Variants in ARHGAP28 observed in about 807,000 individuals in gnomAD.
ARHGAP28 encodes rho GTPase-activating protein 28.
A neutral mutation model predicts 90.7 loss-of-function variants in ARHGAP28; 56 were observed. That is an observed-to-expected ratio of 0.62 (90% CI 0.50 to 0.77). ARHGAP28 has a LOEUF of 0.77. Ranked by LOEUF, ARHGAP28 falls within the 30% of genes least tolerant of loss-of-function variation. ARHGAP28 has a pLI of 0.00. For synonymous variants in ARHGAP28, 308 were observed against 323.3 expected (o/e 0.95, Z 0.51); for missense variants, 869 against 900.9 (o/e 0.96, Z 0.45).
intron 1 of ARHGAP28, among the ~76,000 whole-genome samples, chr18:6,778,144 T>C (rs1254786031): frequency 2.0e-5 from 3 of 152,210 alleles, no homozygotes; most frequent in Non-Finnish European, 4.4e-5. Flanking sequence ...TCTGGAGATG[T>C]GTATAACTCA....
At chr18:6,769,982 G>A (rs1200970602) in intron 1 of ARHGAP28, among the ~76,000 whole-genome samples, 1 of 152,178 alleles carries the variant, frequency 6.6e-6, no homozygotes, top group Non-Finnish European at 1.5e-5. Flanking sequence ...TTCCTTTCAA[G>A]GTAACTTCGT....
intron 2 of ARHGAP28, among the ~76,000 whole-genome samples, chr18:6,834,160 A>AT (rs968622132): frequency 4.5e-4 from 39 of 86,434 alleles, no homozygotes; most frequent in Admixed American, 4.2e-3. Flanking sequence ...TGTTAGAGTG[A>AT]TTAAAAAAAA....
At chr18:6,734,676 A>G (rs1204676263) in intron 1 of ARHGAP28, among the ~76,000 whole-genome samples, 1 of 152,202 alleles carries the variant, frequency 6.6e-6, no homozygotes, top group East Asian at 1.9e-4. Flanking sequence ...GAAATTAATT[A>G]ATTAAGAAAA....
chr18:6,841,167 C>CCTCTCTCTCTCTCCTCT (rs1488421214), intron 3 of ARHGAP28, among the ~76,000 whole-genome samples: 3 of 79,994 alleles, frequency 3.8e-5, no homozygotes, highest in Non-Finnish European at 5.2e-5. Context: ...TTCTCTCTCT[C>CCTCTCTCTCTCTCCTCT]CTCTCTCTCT....
At chr18:6,871,834 T>G (rs1600270300) in intron 7 of ARHGAP28, among the ~76,000 whole-genome samples, 1 of 152,134 alleles carries the variant, frequency 6.6e-6, no homozygotes, top group African/African-American at 2.4e-5. Flanking sequence ...ACTCTAGGAC[T>G]CACGGAGTGC....
intron 1 of ARHGAP28, among the ~76,000 whole-genome samples, chr18:6,817,357 AAGAG>A (rs1190241849): frequency 2.6e-5 from 4 of 151,894 alleles, no homozygotes; most frequent in Admixed American, 2.6e-4. Flanking sequence ...ACAAAACAAG[AAGAG>A]AGAATTGTTA....
intron 17 of ARHGAP28, among the ~76,000 whole-genome samples, chr18:6,909,324 G>T (rs8086402): frequency 0.51 from 72,607 of 143,260 alleles, 18,736 homozygotes; most frequent in Non-Finnish European, 0.55. Context: ...ACAGAATCTT[G>T]CTCTGTTGCC....
intron 6 of ARHGAP28, among the ~76,000 whole-genome samples, chr18:6,869,438 T>G (rs2057065304): frequency 6.6e-6 from 1 of 151,956 alleles, no homozygotes; most frequent in Non-Finnish European, 1.5e-5. Flanking sequence ...TTTTTGTATT[T>G]TTAGTAGAGA....
At chr18:6,894,774 T>A (rs2057292632) in intron 14 of ARHGAP28, 61 bp from the exon 15 acceptor site, 1 of 1,470,356 alleles carries the variant, frequency 6.8e-7, no homozygotes, top group Admixed American at 1.8e-5. Flanking sequence ...CAGTTTACAC[T>A]TCCAAAAGCA....
At chr18:6,786,011 T>C (rs2056362073) in intron 1 of ARHGAP28, among the ~76,000 whole-genome samples, 1 of 152,170 alleles carries the variant, frequency 6.6e-6, no homozygotes, top group Non-Finnish European at 1.5e-5. Context: ...CATTAAACAT[T>C]TTTTGGAAAA....
chr18:6,889,865 G>GACAGAA, intron 12 of ARHGAP28, 23 bp from the exon 13 acceptor site: 1 of 1,610,802 alleles, frequency 6.2e-7, no homozygotes, highest in Non-Finnish European at 8.5e-7. Context: ...ACAATTGTAT[G>GACAGAA]ACACAATGCT....
At chr18:6,817,848 G>C (rs777156051) in intron 1 of ARHGAP28, among the ~76,000 whole-genome samples, 1 of 152,204 alleles carries the variant, frequency 6.6e-6, no homozygotes, top group Admixed American at 6.5e-5. Flanking sequence ...AATTGTGTCA[G>C]ATAGCCACTT....
At position 6,841,119 on chromosome 18, in the gene ARHGAP28, T is replaced by TTCTCTCTCTCTCTCTCTCTCTCTCTC. The variant is rs149011221; in HGVS notation, c.543+3719_543+3720insTCTCTCTCTCTCTCTCTCTCTCTCTC. 1.7e-5 allele frequency among the ~76,000 whole-genome samples: 2 copies of TTCTCTCTCTCTCTCTCTCTCTCTCTC among 117,108 alleles called. 1 individual carries two copies. Among genetic ancestry groups the TTCTCTCTCTCTCTCTCTCTCTCTCTC allele is most frequent in the African/African-American group, 6.1e-5 (2 of 32,588 alleles). The allele number at this position is 117,108 out of a possible 152,430, so 76.8% of individuals were successfully genotyped here. ...GTCCTGTGTCTCTGGGGTCCTTCTC[T>TTCTCTCTCTCTCTCTCTCTCTCTCTC]TCTCTCTCTCTCTCCTCTCTCACTG... On this transcript the variant is annotated intron_variant, in intron 3 of 17. Coordinates refer to ENST00000383472, the MANE Select transcript of ARHGAP28 (RefSeq NM_001366230.1).
intron 1 of ARHGAP28, among the ~76,000 whole-genome samples, chr18:6,734,816 A>G (rs1177706040): frequency 1.3e-5 from 2 of 152,202 alleles, no homozygotes; most frequent in Non-Finnish European, 2.9e-5. Flanking sequence ...CAAAAATAGT[A>G]ATGGAAATAA....
At chr18:6,793,293 GCTCAAA>G (rs2056419096) in intron 1 of ARHGAP28, among the ~76,000 whole-genome samples, 1 of 152,168 alleles carries the variant, frequency 6.6e-6, no homozygotes, top group Admixed American at 6.5e-5. Flanking sequence ...GTCTTTTTAT[GCTCAAA>G]ATAAGGACAG....
intron 1 of ARHGAP28, among the ~76,000 whole-genome samples, chr18:6,755,435 T>G (rs1224870564): frequency 6.6e-6 from 1 of 152,108 alleles, no homozygotes; most frequent in Non-Finnish European, 1.5e-5. Context: ...ATGAAGTGTT[T>G]AAAGGCAGGA....
intron 1 of ARHGAP28, among the ~76,000 whole-genome samples, chr18:6,785,398 C>G (rs1196239801): frequency 2.0e-5 from 3 of 152,218 alleles, no homozygotes; most frequent in African/African-American, 7.2e-5. Flanking sequence ...GGCACTATAA[C>G]TCAGTGGTAA....
intron 17 of ARHGAP28, 144 bp downstream of exon 17, chr18:6,909,168 G>A: frequency 3.5e-6 from 2 of 570,620 alleles, no homozygotes; most frequent in Non-Finnish European, 3.1e-6. Flanking sequence ...TATCTCATGT[G>A]GGAACAGTTG....
chr18:6,762,835 GA>G (rs201807723), intron 1 of ARHGAP28, among the ~76,000 whole-genome samples: 81 of 150,224 alleles, frequency 5.4e-4, no homozygotes, highest in Admixed American at 2.5e-3. Context: ...AGAACTGTGA[GA>G]AAAAAAAAAT....
Sources: gnomAD v4.1 joint callset for allele counts (sites outside exome capture counted in the v4.1 genomes callset) on GRCh38, gnomAD v4.1.1 for gene constraint, MANE v1.5 for transcripts, NCBI Gene and HGNC (gene_info 2026-07-23, HGNC 2026-07-21) for gene names.